The following TNIK variants were observed in gnomAD, a reference collection of about 807,000 sequenced individuals.
TNIK encodes the protein TRAF2 and NCK interacting kinase.
TNIK carries 49 observed loss-of-function variants against 191.3 expected under a neutral mutation model. The ratio of observed to expected loss-of-function variants is 0.26; its 90% confidence interval spans 0.20 to 0.32. The LOEUF (loss-of-function observed/expected upper bound fraction) is 0.32, where lower values mean the gene tolerates loss of function less well. Ranked by LOEUF, TNIK falls within the 10% of genes least tolerant of loss-of-function variation. The probability of loss-of-function intolerance (pLI) is 1.00; values close to 1 mark genes in which losing one functional copy is unlikely to be tolerated. For synonymous variants in TNIK, 594 were observed against 600.9 expected, an observed-to-expected ratio of 0.99 and a Z score of 0.17; for missense variants, 1,155 against 1,702.3, an observed-to-expected ratio of 0.68 and a Z score of 5.66.
intron 32 of TNIK, 94 bp downstream of exon 32, chr3:171,066,093 G>A (rs1718402566): frequency 6.7e-7 from 1 of 1,484,328 alleles, no homozygotes; most frequent in Non-Finnish European, 9.2e-7. Context: ...ACACAGATGT[G>A]ATTCAAATCA....
At position 171,061,529 on chromosome 3, in the gene TNIK, T is replaced by C. The variant is rs1717831575; in HGVS notation, c.*2352A>G. 1 of 152,158 alleles carries C rather than the reference T, an allele frequency of 6.6e-6. No homozygotes were observed. The highest frequency in any genetic ancestry group is 1.5e-5 in the Non-Finnish European group (1 of 68,040). The allele number at this position is 152,158 out of a possible 1,614,324, so 9.4% of individuals were successfully genotyped here. On this transcript the variant is annotated 3_prime_UTR_variant, in exon 33 of 33. Coordinates refer to ENST00000436636, the MANE Select transcript of TNIK (RefSeq NM_015028.4). ...AAACACAATGATTCCCTTTTATTTC[T>C]TAACTGTACCCAAAATCCCACAATA...
chr3:171,198,124 T>C (rs1211357393), intron 4 of TNIK, among the ~76,000 whole-genome samples: 1 of 152,090 alleles, frequency 6.6e-6, no homozygotes, highest in African/African-American at 2.4e-5. Flanking sequence ...TGTGGATGAA[T>C]CACGTAAAAC....
intron 1 of TNIK, among the ~76,000 whole-genome samples, chr3:171,452,543 T>C (rs961136302): frequency 6.6e-6 from 1 of 152,032 alleles, no homozygotes; most frequent in African/African-American, 2.4e-5. Context: ...GTGTGCCTCA[T>C]TAAACCTCAC....
rs1160067076 is a variant in TNIK at position 171,171,776 on chromosome 3, C to G, written c.773+3476G>C. Among the ~76,000 whole-genome samples the G allele has an allele frequency of 5.3e-5, 8 of 152,276 alleles. No homozygotes were observed. In the East Asian group the frequency reaches 1.4e-3, roughly 26 times the overall value. ...AAAATCTTTTGAAGGAGATGGTTTA[C>G]CCCTGCGAGTGGAATCTACGCACGC... On this transcript the variant is annotated intron_variant, in intron 9 of 32. Transcript: ENST00000436636.
intron 1 of TNIK, among the ~76,000 whole-genome samples, chr3:171,417,941 G>T (rs781085519): frequency 5.3e-5 from 8 of 152,156 alleles, no homozygotes; most frequent in Admixed American, 3.3e-4. Flanking sequence ...GCCTCATTCC[G>T]AAGAACTGCT....
At chr3:171,401,174 T>C (rs1341528765) in intron 1 of TNIK, among the ~76,000 whole-genome samples, 1 of 152,136 alleles carries the variant, frequency 6.6e-6, no homozygotes, top group African/African-American at 2.4e-5. Context: ...TCCTGAATTT[T>C]CATTTAGGAG....
intron 2 of TNIK, among the ~76,000 whole-genome samples, chr3:171,340,550 C>T (rs970610453): frequency 1.3e-5 from 2 of 152,196 alleles, no homozygotes; most frequent in African/African-American, 4.8e-5. Context: ...GCACACAACT[C>T]AAGTCTTCTG....
chr3:171,312,190 TATA>T (rs1217764719), intron 2 of TNIK, among the ~76,000 whole-genome samples: 4 of 128,040 alleles, frequency 3.1e-5, no homozygotes, highest in Non-Finnish European at 1.6e-5. Flanking sequence ...CAAATGAATA[TATA>T]ATAAGTTTAA....
chr3:171,270,666 T>A (rs1174080567), intron 2 of TNIK, among the ~76,000 whole-genome samples: 1 of 152,172 alleles, frequency 6.6e-6, no homozygotes, highest in East Asian at 1.9e-4. Flanking sequence ...CTCTCACCCC[T>A]GCCTACTGCC....
chr3:171,208,413 C>T (rs1434368703), intron 4 of TNIK, among the ~76,000 whole-genome samples: 4 of 152,002 alleles, frequency 2.6e-5, no homozygotes, highest in Admixed American at 2.0e-4. Context: ...GAAATTACTA[C>T]CTCAAATATT....
Position 171,264,335 on chromosome 3 carries a change from T to TACAC in TNIK, c.124-36118_124-36115dup, listed in dbSNP as rs145643748. On this transcript the variant is annotated intron_variant, in intron 2 of 32. Transcript: ENST00000436636. ...CGTACCAAATTGTATACACGTATAA[T>TACAC]ACACACACACACACACATATATATA... 1.1e-3 allele frequency among the ~76,000 whole-genome samples: 169 copies of TACAC among 148,114 alleles called. 1 individual carries two copies. The South Asian group carries it at 0.021, about 19-fold the overall frequency.
In TNIK at chr3:171,118,277, C is replaced by G. The variant is rs186393816; in HGVS notation, c.2120+5319G>C. On this transcript the variant is annotated intron_variant, in intron 18 of 32. Transcript: ENST00000436636. ...AGGAGAACTACAAACCACTGCTCAA[C>G]GAAATAAAAGAGGATACAAAGAAAT... is the stretch of plus-strand genomic sequence containing the variant. Among the ~76,000 whole-genome samples the G allele has an allele frequency of 2.1e-3, 316 of 152,030 alleles. 3 individuals carry two copies. In the East Asian group the frequency reaches 0.023, roughly 11 times the overall value.
At chr3:171,368,580 C>A (rs1441784481) in intron 2 of TNIK, among the ~76,000 whole-genome samples, 1 of 152,078 alleles carries the variant, frequency 6.6e-6, no homozygotes, top group Non-Finnish European at 1.5e-5. Flanking sequence ...CCCCTGGACA[C>A]CAAAGGAAAC....
At chr3:171,126,793 T>C (rs1304643365) in intron 16 of TNIK, among the ~76,000 whole-genome samples, 1 of 152,252 alleles carries the variant, frequency 6.6e-6, no homozygotes, top group Non-Finnish European at 1.5e-5. Context: ...GCTGTCGTAT[T>C]ATCTCTTGAC....
intron 2 of TNIK, among the ~76,000 whole-genome samples, chr3:171,329,471 C>T (rs1403873667): frequency 6.6e-6 from 1 of 152,142 alleles, no homozygotes; most frequent in Admixed American, 6.5e-5. Flanking sequence ...GTCCTTGGGT[C>T]ATTTACCTTA....
chr3:171,235,976 C>A lies in TNIK; in HGVS notation c.124-7755G>T, dbSNP rs572948842. On this transcript the variant is annotated intron_variant, in intron 2 of 32. Coordinates refer to ENST00000436636, the MANE Select transcript of TNIK (RefSeq NM_015028.4). ...TAGCCTGTGTGAATTGTATTGGAAC[C>A]CACTTCTCTCTCCTCTGGGTGCCCT... is the stretch of plus-strand genomic sequence containing the variant. Among the ~76,000 whole-genome samples the A allele has an allele frequency of 2.6e-5, 4 of 152,162 alleles. No homozygotes were observed. The South Asian group carries it at 8.3e-4, about 32-fold the overall frequency.
intron 2 of TNIK, among the ~76,000 whole-genome samples, chr3:171,344,071 CTCA>C (rs570773091): frequency 2.6e-5 from 4 of 152,156 alleles, no homozygotes; most frequent in Non-Finnish European, 5.9e-5. Flanking sequence ...TCATTTATTT[CTCA>C]TCTTTTCTAT....
rs774932805 is a variant in TNIK at position 171,161,299 on chromosome 3, T to C, written c.987A>G (p.Glu329=). Residue 329 remains glutamate (E), a synonymous_variant, in exon 11 of 33, where the codon GAA becomes GAG. Transcript: ENST00000436636. ...GCTCTCCTGAGTCATTCTCCTCCTC[T>C]TCTTCCTCACTTCCACTGTACTCAT... ...TEYEYSGSEE[E]EEENDSGEPS... is the part of the protein sequence containing the mutation. The C allele has an allele frequency of 1.5e-5, 24 of 1,613,350 alleles. No individual in the cohort carries two copies. The East Asian group carries it at 4.9e-4, about 33-fold the overall frequency.
chr3:171,376,027 C>T (rs999980646), intron 1 of TNIK, among the ~76,000 whole-genome samples: 2 of 152,136 alleles, frequency 1.3e-5, no homozygotes, highest in African/African-American at 2.4e-5. Flanking sequence ...TTGACATCTG[C>T]CAAACGACTG....
Sources: gnomAD v4.1 joint callset for allele counts (sites outside exome capture counted in the v4.1 genomes callset) on GRCh38, gnomAD v4.1.1 for gene constraint, MANE v1.5 for transcripts, NCBI Gene and HGNC (gene_info 2026-07-23, HGNC 2026-07-21) for gene names.